GPD2: variants seen among roughly 807,000 people sequenced by gnomAD.
GPD2 encodes the protein glycerol-3-phosphate dehydrogenase, mitochondrial.
A neutral mutation model predicts 82.4 loss-of-function variants in GPD2; 54 were observed. That is an observed-to-expected ratio of 0.66 (90% confidence interval 0.53 to 0.82). The LOEUF is 0.82. GPD2 is among the 40% of genes least tolerant of loss of function. The pLI is 0.00. For missense variants in GPD2, 748 were observed against 896.2 expected (o/e 0.83, Z 2.11); for synonymous variants, 288 against 306.1 (o/e 0.94, Z 0.62).
rs374469718 is a variant in GPD2 at position 156,444,163 on chromosome 2, G to T, written c.-9+7650G>T. On this transcript the variant is annotated intron_variant, in intron 1 of 16. Coordinates refer to ENST00000438166, the MANE Select transcript of GPD2 (RefSeq NM_000408.5). The stretch of plus-strand genomic sequence containing the variant: ...AAAGGAAGCCAGTCATGGCCACTGG[G>T]TTCTGTTTGCCTCTGGACCCTGGCC... Among the ~76,000 whole-genome samples, 10 of 152,294 alleles carry T rather than the reference G, an allele frequency of 6.6e-5. No individual in the cohort carries two copies. In the East Asian group the frequency reaches 1.7e-3, roughly 26 times the overall value.
chr2:156,421,783 C>G, the GPD2 span, among the ~76,000 whole-genome samples: 413 of 152,296 alleles, frequency 2.7e-3, 3 homozygotes, highest in African/African-American at 9.0e-3. Context: ...CTTCAATACC[C>G]AGCTCTGGTA....
Position 156,568,821 on chromosome 2 carries a change from C to T in GPD2, c.1166-4C>T, listed in dbSNP as rs749606271. The T allele has an allele frequency of 1.2e-6, 2 of 1,611,562 alleles. No individual in the cohort carries two copies. The highest frequency in any genetic ancestry group is 1.7e-6 in the Non-Finnish European group (2 of 1,177,984). On this transcript the variant is annotated splice_polypyrimidine_tract_variant and splice_region_variant and intron_variant, in intron 9 of 16. Coordinates refer to ENST00000438166, the MANE Select transcript of GPD2 (RefSeq NM_000408.5). ...TCATAACCCTTGGCATTGATTCCTA[C>T]CAGTGAGAAGAGGGGATGTCCTGGC...
At chr2:156,574,137 T>C (rs896695332) in intron 13 of GPD2, among the ~76,000 whole-genome samples, 4 of 152,034 alleles carry the variant, frequency 2.6e-5, no homozygotes, top group Non-Finnish European at 5.9e-5. Flanking sequence ...TCCAACCAAC[T>C]TGGAAGAACT....
intron 2 of GPD2, among the ~76,000 whole-genome samples, chr2:156,494,163 C>A (rs1376137698): frequency 6.6e-6 from 1 of 152,006 alleles, no homozygotes; most frequent in Non-Finnish European, 1.5e-5. Flanking sequence ...GAATTTGTAG[C>A]CTGATAATAA....
chr2:156,479,458 G>A (rs1283861790), intron 2 of GPD2, among the ~76,000 whole-genome samples: 1 of 152,152 alleles, frequency 6.6e-6, no homozygotes, highest in Non-Finnish European at 1.5e-5. Context: ...TATTACTTAG[G>A]TTTATCAATG....
intron 1 of GPD2, among the ~76,000 whole-genome samples, chr2:156,467,352 C>A (rs906317860): frequency 1.9e-4 from 29 of 152,234 alleles, no homozygotes; most frequent in African/African-American, 7.0e-4. Flanking sequence ...CCACCACAGT[C>A]CAAAAATTTG....
intron 2 of GPD2, among the ~76,000 whole-genome samples, chr2:156,481,858 G>A (rs945102273): frequency 3.3e-5 from 5 of 152,064 alleles, no homozygotes; most frequent in Non-Finnish European, 7.4e-5. Context: ...GTCATCTGTT[G>A]ATGGACATTT....
chr2:156,493,195 GGA>G (rs150303880), intron 2 of GPD2, among the ~76,000 whole-genome samples: 3 of 151,912 alleles, frequency 2.0e-5, no homozygotes, highest in African/African-American at 4.8e-5. Context: ...CAAAGAGGCT[GGA>G]GAGAGAGAGA....
intron 6 of GPD2, among the ~76,000 whole-genome samples, chr2:156,516,552 G>A (rs2105279931): frequency 6.6e-6 from 1 of 152,272 alleles, no homozygotes. Context: ...CAATCCTCCT[G>A]CCTCAGTCTC....
intron 2 of GPD2, chr2:156,495,780 G>T (rs1340095377): frequency 4.4e-6 from 2 of 455,284 alleles, no homozygotes; most frequent in Non-Finnish European, 4.2e-6. Flanking sequence ...ATTGAACTTG[G>T]CTGTATATGA....
the GPD2 span, among the ~76,000 whole-genome samples, chr2:156,404,686 CAAAAA>C: frequency 1.2e-4 from 8 of 64,374 alleles, no homozygotes; most frequent in Admixed American, 1.4e-3. Context: ...TTAAAAATAC[CAAAAA>C]AAAAAAAAAA....
intron 1 of GPD2, among the ~76,000 whole-genome samples, chr2:156,440,811 T>C (rs1682142618): frequency 6.6e-6 from 1 of 152,232 alleles, no homozygotes; most frequent in Non-Finnish European, 1.5e-5. Flanking sequence ...GTAAGAAAGA[T>C]ACTTGTCCCC....
intron 8 of GPD2, among the ~76,000 whole-genome samples, chr2:156,556,389 T>C (rs150318231): frequency 6.6e-6 from 1 of 152,352 alleles, no homozygotes; most frequent in East Asian, 1.9e-4. Context: ...TAGGACACTT[T>C]AAGATTCCTC....
At chr2:156,572,335 T>C (rs1382117611) in intron 13 of GPD2, among the ~76,000 whole-genome samples, 1 of 152,132 alleles carries the variant, frequency 6.6e-6, no homozygotes, top group Admixed American at 6.6e-5. Flanking sequence ...TTTAAAAAAT[T>C]ATTTTATTTT....
the GPD2 span, among the ~76,000 whole-genome samples, chr2:156,402,002 T>A: frequency 6.6e-6 from 1 of 152,014 alleles, no homozygotes; most frequent in South Asian, 2.1e-4. Context: ...TCAAGAATAA[T>A]TTGGGGAAAA....
At chr2:156,551,995 TC>T (rs990009262) in intron 8 of GPD2, among the ~76,000 whole-genome samples, 40 of 152,196 alleles carry the variant, frequency 2.6e-4, no homozygotes, top group African/African-American at 9.6e-4. Context: ...GTTTAATACT[TC>T]CATTCTCCTA....
At chr2:156,444,436 G>C (rs575978619) in intron 1 of GPD2, among the ~76,000 whole-genome samples, 11 of 152,262 alleles carry the variant, frequency 7.2e-5, no homozygotes, top group African/African-American at 2.4e-4. Flanking sequence ...GATTCCGCAG[G>C]GGGCAGTGGC....
At chr2:156,559,054 C>T (rs1047042889) in intron 9 of GPD2, among the ~76,000 whole-genome samples, 38 of 152,004 alleles carry the variant, frequency 2.5e-4, no homozygotes, top group African/African-American at 8.5e-4. Context: ...GTTGAATCTT[C>T]GTGTCTAATT....
chr2:156,401,285 C>T, the GPD2 span, among the ~76,000 whole-genome samples: 2 of 152,170 alleles, frequency 1.3e-5, no homozygotes, highest in African/African-American at 2.4e-5. Flanking sequence ...TCTAAACAAT[C>T]ACGTATTTGT....
Sources: allele counts gnomAD v4.1 joint callset (sites outside exome capture counted in the v4.1 genomes callset), GRCh38; gene constraint gnomAD v4.1.1; transcripts MANE v1.5; gene names NCBI Gene and HGNC (gene_info 2026-07-23, HGNC 2026-07-21).